Variants in AQR observed in about 807,000 individuals in gnomAD.
AQR encodes the protein RNA helicase aquarius.
AQR carries 61 observed loss-of-function variants against 180.5 expected under a neutral mutation model. The observed-to-expected ratio is 0.34, with a 90% confidence interval of 0.28 to 0.42. The LOEUF (loss-of-function observed/expected upper bound fraction) is 0.42. Ranked by LOEUF, AQR falls within the 10% of genes least tolerant of loss-of-function variation. The pLI, the probability that AQR is intolerant of heterozygous loss-of-function variation, is 1.00. For missense variants in AQR, 1,281 were observed against 1,798.3 expected (o/e 0.71, Z 5.20); for synonymous variants, 551 against 588.8 (o/e 0.94, Z 0.93).
At chr15:34,917,122 TA>T (rs1286504525) in intron 15 of AQR, among the ~76,000 whole-genome samples, 1 of 152,204 alleles carries the variant, frequency 6.6e-6, no homozygotes, top group South Asian at 2.1e-4. Flanking sequence ...TGTGCATCCC[TA>T]GACATGAGAA....
intron 1 of AQR, among the ~76,000 whole-genome samples, chr15:34,966,243 CCT>C (rs1222295258): frequency 1.3e-5 from 2 of 152,182 alleles, no homozygotes; most frequent in Admixed American, 6.5e-5. Context: ...TAAATTTTAA[CCT>C]CTTGATCTCA....
At chr15:34,924,329 T>C (rs953237896) in intron 13 of AQR, among the ~76,000 whole-genome samples, 1 of 152,186 alleles carries the variant, frequency 6.6e-6, no homozygotes, top group African/African-American at 2.4e-5. Flanking sequence ...GTCACAAAAA[T>C]GTAAAACAAT....
At chr15:34,859,980 T>G (rs1892646188) in intron 34 of AQR, 62 bp downstream of exon 34, 1 of 841,422 alleles carries the variant, frequency 1.2e-6, no homozygotes, top group African/African-American at 1.8e-5. Context: ...AAAGATTTAT[T>G]CTGAAAAAAA....
chr15:34,940,632 G>A (rs571826282), intron 8 of AQR, among the ~76,000 whole-genome samples: 1 of 152,230 alleles, frequency 6.6e-6, no homozygotes, highest in East Asian at 1.9e-4. Context: ...TGAGGGAGAC[G>A]GACAATAGGC....
chr15:34,874,538 A>G (rs569404837), intron 29 of AQR, 139 bp downstream of exon 29: 1 of 922,360 alleles, frequency 1.1e-6, no homozygotes, highest in East Asian at 2.6e-5. Flanking sequence ...AGTCGACAAA[A>G]GTGCTTTTGG....
intron 31 of AQR, 113 bp downstream of exon 31, chr15:34,870,639 C>A: frequency 1.1e-6 from 1 of 902,384 alleles, no homozygotes; most frequent in Non-Finnish European, 1.5e-6. Flanking sequence ...CCCATTATTT[C>A]ATTTTCTCAA....
chr15:34,863,444 A>T (rs1382606264), intron 32 of AQR, among the ~76,000 whole-genome samples: 1 of 152,142 alleles, frequency 6.6e-6, no homozygotes, highest in African/African-American at 2.4e-5. Context: ...TTTACTTCCT[A>T]GATAACTCTT....
intron 34 of AQR, among the ~76,000 whole-genome samples, chr15:34,858,252 A>T (rs139602013): frequency 0.044 from 6,410 of 147,322 alleles, 213 homozygotes; most frequent in East Asian, 0.13. Context: ...CCAAAGTGCT[A>T]GGATTACAGG....
rs1431233664 is a variant in AQR at position 34,856,767 on chromosome 15, C to T, written c.*25G>A. 3.4e-6 allele frequency: 5 copies of T among 1,458,254 alleles called. No homozygotes were observed. The highest frequency in any genetic ancestry group is 3.6e-6 in the Non-Finnish European group (4 of 1,101,776). 90.3% of individuals were successfully genotyped at this position (1,458,254 alleles called of 1,614,324 possible). A position where few individuals can be genotyped will look rare whatever the true frequency, so the allele number is the denominator to read the frequency against. ...ACTCAGACTTTTTGACTGCCATGTC[C>T]TCCTTTAGAAGGACTACAGTTTGGC... On this transcript the variant is annotated 3_prime_UTR_variant, in exon 35 of 35. Transcript: ENST00000156471.
At chr15:34,968,502 C>T (rs912527178) in intron 1 of AQR, among the ~76,000 whole-genome samples, 1 of 152,000 alleles carries the variant, frequency 6.6e-6, no homozygotes, top group African/African-American at 2.4e-5. Flanking sequence ...TCGTGATCCG[C>T]CCGCCTCGGC....
rs374590612 is a variant in AQR, at chr15:34,866,093, G to T, written c.3854+1431C>A. 3.9e-4 allele frequency among the ~76,000 whole-genome samples: 59 copies of T among 152,214 alleles called. 1 individual carries two copies. The South Asian group carries it at 0.012, about 32-fold the overall frequency. ...TTATCAAAAAAATGAAATATGGCAG[G>T]AAGTAGGTTTCCTTGGTATCCTGAA... On this transcript the variant is annotated intron_variant, in intron 32 of 34. Transcript: ENST00000156471.
At position 34,855,530 on chromosome 15, in the gene AQR, C is replaced by T. The variant is rs961986610; in HGVS notation, c.*1262G>A. 1 of 141,176 alleles carries T rather than the reference C, an allele frequency of 7.1e-6. No individual in the cohort carries two copies. Among genetic ancestry groups the T allele is most frequent in the African/African-American group, 2.7e-5 (1 of 37,420 alleles). The allele number at this position is 141,176 out of a possible 1,614,324, so 8.7% of individuals were successfully genotyped here. On this transcript the variant is annotated 3_prime_UTR_variant, in exon 35 of 35. Coordinates refer to ENST00000156471, the MANE Select transcript of AQR (RefSeq NM_014691.3). Reference sequence around the variant, plus strand: ...CTCTACACATACATATAAACATTTCCTTTTTTTTTTTTTTTTTTCCAGTTC... The same window carrying T: ...CTCTACACATACATATAAACATTTCTTTTTTTTTTTTTTTTTTTCCAGTTC...
At chr15:34,948,409 T>TAC (rs1566995747) in intron 4 of AQR, 25 bp from the exon 5 acceptor site, 1 of 1,607,280 alleles carries the variant, frequency 6.2e-7, no homozygotes. Context: ...AAGCATAGAA[T>TAC]ACTTCATTAG....
chr15:34,895,193 T>A (rs1403163547), intron 22 of AQR, among the ~76,000 whole-genome samples: 794 of 26,974 alleles, frequency 0.029, 29 homozygotes, highest in Non-Finnish European at 0.04. Flanking sequence ...AAAAAATATA[T>A]ATATATATAT....
chr15:34,959,325 G>A (rs1894381254), intron 3 of AQR, among the ~76,000 whole-genome samples: 1 of 152,082 alleles, frequency 6.6e-6, no homozygotes, highest in Admixed American at 6.6e-5. Context: ...ACCATGTCCA[G>A]CTAATTTTTT....
chr15:34,940,631 C>T (rs546608600), intron 8 of AQR, among the ~76,000 whole-genome samples: 10 of 152,130 alleles, frequency 6.6e-5, no homozygotes, highest in Middle Eastern at 3.4e-3. Flanking sequence ...ATGAGGGAGA[C>T]GGACAATAGG....
chr15:34,882,464 T>C, intron 27 of AQR, 38 bp downstream of exon 27: 1 of 796,384 alleles, frequency 1.3e-6, no homozygotes. Context: ...TCTGATAATC[T>C]TAAAAAAAAA....
At chr15:34,943,469 A>C in intron 6 of AQR, 1 of 505,400 alleles carries the variant, frequency 2.0e-6, no homozygotes, top group Non-Finnish European at 3.1e-6. Flanking sequence ...ATAAATAAAT[A>C]AATAAATAAA....
chr15:34,946,891 G>T lies in AQR; in HGVS notation c.330+1373C>A, dbSNP rs1218141888. ...GCCCCGTCCGGGAGGGAGGTGGGGG[G>T]GGTCAGCCCCCCGTCCGGCCAGCCG... is the stretch of plus-strand genomic sequence containing the variant. On this transcript the variant is annotated intron_variant, in intron 5 of 34. Transcript: ENST00000156471. Among the ~76,000 whole-genome samples the T allele has an allele frequency of 7.4e-5, 11 of 149,558 alleles. 3 individuals are homozygous for T. Among genetic ancestry groups the T allele is most frequent in the East Asian group, 2.0e-4 (1 of 4,948 alleles).
Sources: gnomAD v4.1 joint callset for allele counts (sites outside exome capture counted in the v4.1 genomes callset) on GRCh38, gnomAD v4.1.1 for gene constraint, MANE v1.5 for transcripts, NCBI Gene and HGNC (gene_info 2026-07-23, HGNC 2026-07-21) for gene names.